The following MAU2 variants were observed in gnomAD, a reference collection of about 807,000 sequenced individuals.
MAU2 encodes the protein MAU2 chromatid cohesion factor homolog.
Under a neutral mutation model 89.1 loss-of-function variants are expected in MAU2, and 9 were observed. The observed-to-expected ratio is 0.10, with a 90% CI of 0.06 to 0.18. The LOEUF (loss-of-function observed/expected upper bound fraction) is 0.18, where lower values mean the gene tolerates loss of function less well. Among genes scored for constraint, MAU2 ranks in the 10% least tolerant of loss-of-function variants. The probability of loss-of-function intolerance (pLI) is 1.00; values close to 1 mark genes in which losing one functional copy is unlikely to be tolerated. For synonymous variants in MAU2, 357 were observed against 343.4 expected (o/e 1.04, Z -0.44); for missense variants, 425 against 803.5 (o/e 0.53, Z 5.69).
intron 9 of MAU2, 114 bp downstream of exon 9, chr19:19,342,980 C>T: frequency 9.0e-7 from 1 of 1,110,438 alleles, no homozygotes; most frequent in Non-Finnish European, 1.3e-6. Flanking sequence ...CGCCCAGCCA[C>T]CCTGCCTGGT....
At chr19:19,330,752 TTAG>T (rs2061549163) in intron 1 of MAU2, among the ~76,000 whole-genome samples, 1 of 151,378 alleles carries the variant, frequency 6.6e-6, no homozygotes, top group Admixed American at 6.6e-5. Context: ...AAAAACAAAA[TTAG>T]TAGGACCTGG....
Position 19,355,703 on chromosome 19 carries a change from C to G in MAU2, c.1768-5C>G. The G allele has an allele frequency of 6.2e-7, 1 of 1,608,092 alleles. No homozygotes were observed. Among genetic ancestry groups the G allele is most frequent in the Non-Finnish European group, 8.5e-7 (1 of 1,177,952 alleles). ...CCTCACTCGCATGTCCTCTCCTCCC[C>G]ACAGTGGACAGACGGTCCACCCCCC... is the stretch of plus-strand genomic sequence containing the variant. On this transcript the variant is annotated splice_polypyrimidine_tract_variant and splice_region_variant and intron_variant, in intron 18 of 18. Transcript: ENST00000262815.
At chr19:19,346,365 G>A (rs371158224) in intron 12 of MAU2, among the ~76,000 whole-genome samples, 5 of 152,078 alleles carry the variant, frequency 3.3e-5, no homozygotes, top group African/African-American at 9.7e-5. Context: ...GTTTGGTTCC[G>A]CGTCAAAGTT....
intron 4 of MAU2, among the ~76,000 whole-genome samples, chr19:19,337,725 G>A (rs2061608791): frequency 6.6e-6 from 1 of 152,224 alleles, no homozygotes; most frequent in Admixed American, 6.5e-5. Context: ...GCCATGTCAA[G>A]CATTGTGTCC....
At chr19:19,339,352 C>A (rs2061621896) in intron 5 of MAU2, among the ~76,000 whole-genome samples, 1 of 151,842 alleles carries the variant, frequency 6.6e-6, no homozygotes, top group South Asian at 2.1e-4. Flanking sequence ...GAGGCTGAGG[C>A]AGGAGACTAG....
chr19:19,321,266 G>T, intron 1 of MAU2, 131 bp downstream of exon 1: 1 of 1,120,996 alleles, frequency 8.9e-7, no homozygotes, highest in Non-Finnish European at 1.2e-6. Flanking sequence ...CAAAGCCGCA[G>T]GACCCCCACC....
intron 3 of MAU2, among the ~76,000 whole-genome samples, chr19:19,336,966 G>C (rs1439213838): frequency 6.6e-6 from 1 of 152,186 alleles, no homozygotes; most frequent in Non-Finnish European, 1.5e-5. Flanking sequence ...TTTTAAGAGT[G>C]ATGCAGAAAC....
At chr19:19,351,818 C>T (rs1481647560) in intron 16 of MAU2, among the ~76,000 whole-genome samples, 1 of 145,692 alleles carries the variant, frequency 6.9e-6, no homozygotes, top group East Asian at 2.0e-4. Context: ...GGAGGTTTTG[C>T]TTGTCAGCCT....
chr19:19,340,182 AAT>A (rs1196326066), intron 5 of MAU2, among the ~76,000 whole-genome samples: 13 of 147,822 alleles, frequency 8.8e-5, no homozygotes, highest in Admixed American at 2.0e-4. Flanking sequence ...AAAAAAAAAA[AAT>A]TAACCAGGCA....
At chr19:19,322,713 G>C (rs1400959536) in intron 1 of MAU2, among the ~76,000 whole-genome samples, 1 of 147,546 alleles carries the variant, frequency 6.8e-6, no homozygotes, top group Non-Finnish European at 1.5e-5. Flanking sequence ...CTTTTACCCA[G>C]CTCTGTCCTG....
chr19:19,347,577 C>T (rs549740388), intron 13 of MAU2: 67 of 549,364 alleles, frequency 1.2e-4, no homozygotes, highest in Non-Finnish European at 2.0e-4. Flanking sequence ...AAAAACATTC[C>T]CATAGCCACA....
In MAU2 at chr19:19,344,885, C is replaced by T. The variant is rs986801450; in HGVS notation, c.1114C>T (p.Arg372Trp). The change falls in exon 11 of 19, where the codon CGG becomes TGG. Residue 372 changes from arginine to tryptophan, a missense_variant. By Grantham distance (101) the Arg-to-Trp change is moderately radical (BLOSUM62 -3). Around this residue, in one of 11 missense-constraint regions of MAU2, gnomAD observed 39 missense variants for 56.3 expected, o/e 0.69. Coordinates refer to ENST00000262815, the MANE Select transcript of MAU2 (RefSeq NM_015329.4). ...QVCQLCQQSPRLFSNHAAQLH... is the reference protein window; with the variant it reads ...QVCQLCQQSPWLFSNHAAQLH... Reference sequence around the variant, plus strand: ...CTGCCAGCTGTGCCAGCAGTCCCCCCGGCTCTTCTCCAACCATGCAGCACA... The same window carrying T: ...CTGCCAGCTGTGCCAGCAGTCCCCCTGGCTCTTCTCCAACCATGCAGCACA... 1 of 1,613,806 alleles carries T rather than the reference C, an allele frequency of 6.2e-7. No homozygotes were observed. Among genetic ancestry groups the T allele is most frequent in the Admixed American group, 1.7e-5 (1 of 60,014 alleles).
intron 4 of MAU2, 65 bp from the exon 5 acceptor site, chr19:19,338,780 C>G: frequency 8.0e-7 from 1 of 1,242,846 alleles, no homozygotes; most frequent in Non-Finnish European, 1.1e-6. Context: ...TAACAGAGCA[C>G]GAAGGCAGGT....
chr19:19,346,163 A>G (rs2061691546), intron 12 of MAU2, among the ~76,000 whole-genome samples: 1 of 152,124 alleles, frequency 6.6e-6, no homozygotes, highest in South Asian at 2.1e-4. Context: ...TCAGAGATGC[A>G]CAGGAGCCCT....
intron 1 of MAU2, among the ~76,000 whole-genome samples, chr19:19,327,027 G>T (rs957915835): frequency 6.6e-6 from 1 of 151,310 alleles, no homozygotes; most frequent in Non-Finnish European, 1.5e-5. Context: ...GCCCAGGCTG[G>T]TCTTAAACTC....
intron 10 of MAU2, chr19:19,344,629 G>A (rs1175689784): frequency 8.5e-6 from 5 of 590,542 alleles, no homozygotes; most frequent in African/African-American, 1.9e-5. Context: ...ACACCTGTTG[G>A]ACAGAGTGGA....
At position 19,321,106 on chromosome 19, in the gene MAU2, G is replaced by A; in HGVS notation, c.247G>A (p.Glu83Lys). 6.2e-7 allele frequency: 1 copy of A among 1,601,350 alleles called. No homozygotes were observed. The highest frequency in any genetic ancestry group is 8.5e-7 in the Non-Finnish European group (1 of 1,174,808). Residue 83 changes from glutamate to lysine, a missense_variant, in exon 1 of 19, where the codon GAG (glutamate) becomes AAG (lysine). Physicochemically the swap from Glu to Lys is moderately conservative, Grantham distance 56. Transcript: ENST00000262815. ...SVLYHHTKNSEQARSHLEKAW... is the reference protein window; with the variant it reads ...SVLYHHTKNSKQARSHLEKAW... ...TCTCTATCACCACACCAAGAACAGC[G>A]AGCAGGCGCGCAGCCACCTGGAGAA...
intron 1 of MAU2, among the ~76,000 whole-genome samples, chr19:19,323,379 G>C (rs899066182): frequency 1.3e-5 from 2 of 151,838 alleles, no homozygotes; most frequent in Non-Finnish European, 2.9e-5. Context: ...ATTTTTAGTA[G>C]AGACAGAGTT....
chr19:19,355,685 C>T (rs756245066), intron 18 of MAU2, 23 bp from the exon 19 acceptor site: 15 of 1,594,696 alleles, frequency 9.4e-6, no homozygotes, highest in South Asian at 8.9e-5. Flanking sequence ...GTGCCTCACT[C>T]GCATGTCCTC....
Sources: gnomAD v4.1 joint callset for allele counts (sites outside exome capture counted in the v4.1 genomes callset) on GRCh38, gnomAD v4.1.1 for gene constraint, gnomAD v4.1.1 regional missense constraint, MANE v1.5 for transcripts, NCBI Gene and HGNC (gene_info 2026-07-23, HGNC 2026-07-21) for gene names.